The following FBLN1 variants were observed in gnomAD, a reference collection of about 807,000 sequenced individuals.
FBLN1 encodes fibulin 1.
A neutral mutation model predicts 89.7 loss-of-function variants in FBLN1; 34 were observed. That is an observed-to-expected ratio of 0.38 (90% confidence interval 0.29 to 0.50). The LOEUF is 0.50. Ranked by LOEUF, FBLN1 falls within the 20% of genes least tolerant of loss-of-function variation. The pLI, the probability that FBLN1 is intolerant of heterozygous loss-of-function variation, is 0.92. For missense variants in FBLN1, 777 were observed against 988.1 expected (o/e 0.79, Z 2.86); for synonymous variants, 393 against 391.3 (o/e 1.00, Z -0.05).
intron 9 of FBLN1, 46 bp downstream of exon 9, chr22:45,541,418 T>TC (rs1569246724): frequency 1.2e-6 from 2 of 1,612,068 alleles, no homozygotes; most frequent in Admixed American, 1.7e-5. Flanking sequence ...CCTGTCTGCT[T>TC]CCAGCATGCA....
chr22:45,548,552 T>A (rs1569250691), intron 12 of FBLN1, 61 bp from the exon 13 acceptor site: 2 of 1,607,012 alleles, frequency 1.2e-6, no homozygotes, highest in East Asian at 4.5e-5. Flanking sequence ...CGATGTAGCA[T>A]GGCCAGCAGC....
At position 45,581,480 on chromosome 22, in the gene FBLN1, T is replaced by A. The variant is rs1213775010; in HGVS notation, c.1972+4372T>A. On this transcript the variant is annotated intron_variant, in intron 16 of 16. Coordinates refer to ENST00000327858, the MANE Select transcript of FBLN1 (RefSeq NM_006486.3). The surrounding 1 kb of genome is among the most constrained non-coding windows in gnomAD (Gnocchi z 7.6). ...CTATTTCTCCAGGGAGGGAAATCTGTGTGCTATGAGGCTTGGTTGTGGCCA... is the reference window on the plus strand; with the variant it reads ...CTATTTCTCCAGGGAGGGAAATCTGAGTGCTATGAGGCTTGGTTGTGGCCA... Among the ~76,000 whole-genome samples, 1 of 152,076 alleles carries A rather than the reference T, an allele frequency of 6.6e-6. No individual in the cohort carries two copies. Among genetic ancestry groups the A allele is most frequent in the Non-Finnish European group, 1.5e-5 (1 of 68,020 alleles).
chr22:45,564,322 C>T (rs929546470), intron 14 of FBLN1, among the ~76,000 whole-genome samples: 1 of 152,256 alleles, frequency 6.6e-6, no homozygotes, highest in Non-Finnish European at 1.5e-5. Flanking sequence ...ATCTTTTAGC[C>T]TCTGCCTAAA....
chr22:45,504,446 TA>T (rs2087990814), intron 1 of FBLN1, among the ~76,000 whole-genome samples: 1 of 151,710 alleles, frequency 6.6e-6, no homozygotes, highest in Non-Finnish European at 1.5e-5. Flanking sequence ...GAGCTTGATG[TA>T]AGGGGAGCGC....
chr22:45,502,947 C>CT lies in FBLN1; in HGVS notation c.-36dup. On this transcript the variant is annotated 5_prime_UTR_variant, in exon 1 of 17. Transcript: ENST00000327858. ...CGCTGCCCCAGGACCGCGCCCGCGC[C>CT]TTTGTCCGCCGCCGCCCACCGCCCG... 1.0e-6 allele frequency: 1 copy of CT among 1,000,340 alleles called. No homozygotes were observed. The highest frequency in any genetic ancestry group is 4.4e-4 in the Middle Eastern group (1 of 2,264). 62.0% of individuals were successfully genotyped at this position (1,000,340 alleles called of 1,614,324 possible). A position where few individuals can be genotyped will look rare whatever the true frequency, so the allele number is the denominator to read the frequency against.
Position 45,572,517 on chromosome 22 carries a change from A to C in FBLN1, c.1698-1994A>C, listed in dbSNP as rs2088960173. Among the ~76,000 whole-genome samples the C allele has an allele frequency of 6.6e-6, 1 of 152,256 alleles. No individual in the cohort carries two copies. The highest frequency in any genetic ancestry group is 2.1e-4 in the South Asian group (1 of 4,834). On this transcript the variant is annotated intron_variant, in intron 14 of 16. Coordinates refer to ENST00000327858, the MANE Select transcript of FBLN1 (RefSeq NM_006486.3). This position sits in a 1 kb window ranked among gnomAD's most constrained non-coding sequence, Gnocchi z 5.8. ...ATTAGAAAATTCAAGGAAACAACCA[A>C]GTATTGATCTGCTATTTCCTGGTAA...
intron 14 of FBLN1, among the ~76,000 whole-genome samples, chr22:45,573,273 A>G (rs2088965659): frequency 6.6e-6 from 1 of 151,910 alleles, no homozygotes; most frequent in Non-Finnish European, 1.5e-5. Flanking sequence ...AGGAACAGAG[A>G]AGAAACCTGT....
intron 8 of FBLN1, among the ~76,000 whole-genome samples, chr22:45,538,267 C>T (rs1180156364): frequency 1.3e-5 from 2 of 152,244 alleles, no homozygotes; most frequent in Non-Finnish European, 2.9e-5. Context: ...GCTCTCAATC[C>T]TTGCAATCAA....
Position 45,597,601 on chromosome 22 carries a change from C to T in FBLN1, c.1973-2706C>T, listed in dbSNP as rs1305155988. On this transcript the variant is annotated intron_variant, in intron 16 of 16. Coordinates refer to ENST00000327858, the MANE Select transcript of FBLN1 (RefSeq NM_006486.3). The surrounding 1 kb of genome is among the most constrained non-coding windows in gnomAD (Gnocchi z 4.2). The stretch of plus-strand genomic sequence containing the variant: ...ACTGACCCTGGTGGGCAGACCCAGC[C>T]CAGGGAGGGGCAGGCAGGAGTGACC... Among the ~76,000 whole-genome samples, 1 of 152,154 alleles carries T rather than the reference C, an allele frequency of 6.6e-6. No individual in the cohort carries two copies. The highest frequency in any genetic ancestry group is 1.5e-5 in the Non-Finnish European group (1 of 68,022).
intron 2 of FBLN1, among the ~76,000 whole-genome samples, chr22:45,520,290 A>G (rs954527003): frequency 6.6e-6 from 1 of 152,222 alleles, no homozygotes; most frequent in Admixed American, 6.5e-5. Context: ...GGGTGGCTCA[A>G]CCACCGGTTC....
At chr22:45,596,985 A>G (rs2089193100) in intron 16 of FBLN1, among the ~76,000 whole-genome samples, 1 of 151,120 alleles carries the variant, frequency 6.6e-6, no homozygotes, top group African/African-American at 2.4e-5. Context: ...ATATACAGAA[A>G]TATAATAATA....
Position 45,550,705 on chromosome 22 carries a change from C to A in FBLN1, c.1697+90C>A. 1 of 1,576,968 alleles carries A rather than the reference C, an allele frequency of 6.3e-7. No individual in the cohort carries two copies. On this transcript the variant is annotated intron_variant, in intron 14 of 16. Coordinates refer to ENST00000327858, the MANE Select transcript of FBLN1 (RefSeq NM_006486.3). The surrounding 1 kb of genome is among the most constrained non-coding windows in gnomAD (Gnocchi z 8.4). Reference sequence around the variant, plus strand: ...GGGTGGGTGGGTTATCAGGCTGTGACCTCGGTGTCCTCCCATGAGGGACTC... The same window carrying A: ...GGGTGGGTGGGTTATCAGGCTGTGAACTCGGTGTCCTCCCATGAGGGACTC...
rs1264508674 is a variant in FBLN1, at chr22:45,537,438, G to T, written c.922+2101G>T. 1.3e-5 allele frequency among the ~76,000 whole-genome samples: 2 copies of T among 152,108 alleles called. No homozygotes were observed. Among genetic ancestry groups the T allele is most frequent in the Non-Finnish European group, 2.9e-5 (2 of 68,024 alleles). Reference sequence around the variant, plus strand: ...GTTCGAGACCAGCCTGACCAATATGGTGAAACCCCGTCTCTACTAAAAATA... The same window carrying T: ...GTTCGAGACCAGCCTGACCAATATGTTGAAACCCCGTCTCTACTAAAAATA... On this transcript the variant is annotated intron_variant, in intron 8 of 16. Coordinates refer to ENST00000327858, the MANE Select transcript of FBLN1 (RefSeq NM_006486.3). The surrounding 1 kb of genome is among the most constrained non-coding windows in gnomAD (Gnocchi z 5.7).
rs941699186 is a variant in FBLN1 at position 45,579,193 on chromosome 22, GTC to G, written c.1972+2087_1972+2088del. ...CTCCAGACAGAACCAACCTGGGAGT[GTC>G]TGTTTCTCAGCTTCCCATCCACTGG... On this transcript the variant is annotated intron_variant, in intron 16 of 16. Transcript: ENST00000327858. This position sits in a 1 kb window ranked among gnomAD's most constrained non-coding sequence, Gnocchi z 5.5. Among the ~76,000 whole-genome samples, 9 of 152,246 alleles carry G rather than the reference GTC, an allele frequency of 5.9e-5. No individual in the cohort carries two copies. Among genetic ancestry groups the G allele is most frequent in the Non-Finnish European group, 8.8e-5 (6 of 68,042 alleles).
At chr22:45,589,671 C>T (rs961804039) in intron 16 of FBLN1, among the ~76,000 whole-genome samples, 2 of 152,166 alleles carry the variant, frequency 1.3e-5, no homozygotes, top group African/African-American at 2.4e-5. Flanking sequence ...TCCTGCTGAA[C>T]TCCAGCAGCG....
At position 45,550,619 on chromosome 22, in the gene FBLN1, A is replaced by AGTCC; in HGVS notation, c.1697+5_1697+8dup. The AGTCC allele has an allele frequency of 6.2e-7, 1 of 1,614,022 alleles. No individual in the cohort carries two copies. The highest frequency in any genetic ancestry group is 8.5e-7 in the Non-Finnish European group (1 of 1,180,036). Reference sequence around the variant, plus strand: ...ACTACCGCCGCTCCGCAGCCACGTAAGTCCCTTGGACCATGCCATCGTCGT... The same window carrying AGTCC: ...ACTACCGCCGCTCCGCAGCCACGTAAGTCCGTCCCTTGGACCATGCCATCGTCGT... On this transcript the variant is annotated splice_donor_region_variant and intron_variant, in intron 14 of 16. Transcript: ENST00000327858. The surrounding 1 kb of genome is among the most constrained non-coding windows in gnomAD (Gnocchi z 8.4).
Position 45,600,712 on chromosome 22 carries a change from C to T in FBLN1, c.*266C>T. On this transcript the variant is annotated 3_prime_UTR_variant, in exon 17 of 17. Transcript: ENST00000327858. ...GGCTAAGTGTCACCCCCTTTCTCTG[C>T]CTCTGGCTGGGCCTTGCTAAGGGCC... The T allele has an allele frequency of 2.0e-6, 1 of 512,162 alleles. No homozygotes were observed. Among genetic ancestry groups the T allele is most frequent in the Non-Finnish European group, 3.6e-6 (1 of 281,338 alleles). The allele number at this position is 512,162 out of a possible 1,614,324, so 31.7% of individuals were successfully genotyped here.
In FBLN1 at chr22:45,531,755, C is replaced by A. The variant is rs904432024; in HGVS notation, c.544+431C>A. Among the ~76,000 whole-genome samples, 2 of 152,142 alleles carry A rather than the reference C, an allele frequency of 1.3e-5. No homozygotes were observed. The highest frequency in any genetic ancestry group is 4.8e-5 in the African/African-American group (2 of 41,438). On this transcript the variant is annotated intron_variant, in intron 5 of 16. Transcript: ENST00000327858. The surrounding 1 kb of genome is among the most constrained non-coding windows in gnomAD (Gnocchi z 4.9). ...GAAGGGTGGGCTTACCAAGGAGGGG[C>A]CCTGGTGAGGCCCTGCTGGGGAGGG...
At position 45,525,683 on chromosome 22, in the gene FBLN1, G is replaced by C. The variant is rs1027120417; in HGVS notation, c.321+5G>C. 4 of 1,551,440 alleles carry C rather than the reference G, an allele frequency of 2.6e-6. No homozygotes were observed. Among genetic ancestry groups the C allele is most frequent in the Non-Finnish European group, 2.6e-6 (3 of 1,147,028 alleles). The stretch of plus-strand genomic sequence containing the variant: ...CTGGAGGCCACATTTGTGAAGGTGA[G>C]AGCCAAAGACCATGTGGGGTCGCTG... On this transcript the variant is annotated splice_donor_5th_base_variant and intron_variant, in intron 3 of 16. Coordinates refer to ENST00000327858, the MANE Select transcript of FBLN1 (RefSeq NM_006486.3).
Sources: gnomAD v4.1 joint callset for allele counts (sites outside exome capture counted in the v4.1 genomes callset) on GRCh38, gnomAD v4.1.1 for gene constraint, Gnocchi (gnomAD v3.1) non-coding constraint, MANE v1.5 for transcripts, NCBI Gene and HGNC (gene_info 2026-07-23, HGNC 2026-07-21) for gene names.